The following HIKESHI variants were observed in gnomAD, a reference collection of about 807,000 sequenced individuals.
HIKESHI encodes heat shock protein nuclear import factor hikeshi, also known as protein Hikeshi.
Under a neutral mutation model 25.7 loss-of-function variants are expected in HIKESHI, and 13 were observed. The observed-to-expected ratio is 0.51, with a 90% CI of 0.33 to 0.80. The LOEUF is 0.80. Ranked by LOEUF, HIKESHI falls within the 30% of genes least tolerant of loss-of-function variation. The pLI is 0.02. For synonymous variants in HIKESHI, 76 were observed against 78.7 expected (o/e 0.97, Z 0.18); for missense variants, 174 against 229.5 (o/e 0.76, Z 1.56).
At chr11:86,325,425 C>T (rs947041009) in intron 2 of HIKESHI, among the ~76,000 whole-genome samples, 4 of 152,072 alleles carry the variant, frequency 2.6e-5, no homozygotes, top group African/African-American at 9.7e-5. Flanking sequence ...GTGATAAATA[C>T]ATTTTACCCC....
chr11:86,339,642 A>G (rs1444762490), intron 3 of HIKESHI, among the ~76,000 whole-genome samples: 2 of 152,198 alleles, frequency 1.3e-5, no homozygotes, highest in Non-Finnish European at 1.5e-5. Context: ...TATCCACAAA[A>G]TATGTATAGT....
intron 2 of HIKESHI, among the ~76,000 whole-genome samples, chr11:86,325,507 T>A (rs1342977446): frequency 6.6e-6 from 1 of 152,144 alleles, no homozygotes; most frequent in Non-Finnish European, 1.5e-5. Flanking sequence ...AAAATAAATG[T>A]TTTGATACTA....
chr11:86,307,374 T>C lies in HIKESHI; in HGVS notation c.268+892T>C, dbSNP rs916759405. Among the ~76,000 whole-genome samples, 29 of 80,632 alleles carry C rather than the reference T, an allele frequency of 3.6e-4. 3 individuals are homozygous for C. The highest frequency in any genetic ancestry group is 5.7e-4 in the East Asian group (1 of 1,768). The allele number at this position is 80,632 out of a possible 152,430, so 52.9% of individuals were successfully genotyped here. A position where few individuals can be genotyped will look rare whatever the true frequency, so the allele number is the denominator to read the frequency against. ...AATATATATTATGTGTAATATACAT[T>C]ATATATCAATATATTATGTGTAATA... is the stretch of plus-strand genomic sequence containing the variant. On this transcript the variant is annotated intron_variant, in intron 2 of 4. Coordinates refer to ENST00000278483, the MANE Select transcript of HIKESHI (RefSeq NM_016401.4).
At position 86,334,236 on chromosome 11, in the gene HIKESHI, ATGTGTGTGTG is replaced by A. The variant is rs60951435; in HGVS notation, c.269-3115_269-3106del. Among the ~76,000 whole-genome samples the A allele has an allele frequency of 3.6e-4, 53 of 147,116 alleles. 2 individuals carry two copies. Among genetic ancestry groups the A allele is most frequent in the South Asian group, 2.8e-3 (13 of 4,610 alleles). ...TTCTTCTCAACATTCTTTGTAAAAT[ATGTGTGTGTG>A]TGTGTGTGTGTGTGTGTGTGTGTGT... On this transcript the variant is annotated intron_variant, in intron 2 of 4. Transcript: ENST00000278483.
At chr11:86,305,853 G>T (rs1166467478) in intron 1 of HIKESHI, among the ~76,000 whole-genome samples, 1 of 151,750 alleles carries the variant, frequency 6.6e-6, no homozygotes, top group Non-Finnish European at 1.5e-5. Context: ...CGATTCTCCT[G>T]CCTCAGCCTC....
At chr11:86,319,246 T>A (rs1439773120) in intron 2 of HIKESHI, among the ~76,000 whole-genome samples, 24 of 134,136 alleles carry the variant, frequency 1.8e-4, no homozygotes, top group African/African-American at 5.0e-4. Context: ...ATATATATTT[T>A]TTTTTTTTTT....
intron 2 of HIKESHI, among the ~76,000 whole-genome samples, chr11:86,313,776 C>G (rs753974032): frequency 9.2e-5 from 14 of 152,092 alleles, no homozygotes; most frequent in Non-Finnish European, 1.8e-4. Flanking sequence ...GAAAAGGTAG[C>G]AATTAACTCG....
At chr11:86,313,089 CT>C (rs1946877229) in intron 2 of HIKESHI, among the ~76,000 whole-genome samples, 1 of 152,022 alleles carries the variant, frequency 6.6e-6, no homozygotes, top group Admixed American at 6.6e-5. Context: ...AGCCGTAATT[CT>C]TTGCTTTGAT....
chr11:86,328,269 T>A (rs979986868), intron 2 of HIKESHI, among the ~76,000 whole-genome samples: 14 of 152,056 alleles, frequency 9.2e-5, no homozygotes, highest in African/African-American at 3.4e-4. Context: ...TCTTTTCTTT[T>A]TTTTTTTGAG....
chr11:86,330,912 A>G (rs1947405150), intron 2 of HIKESHI, among the ~76,000 whole-genome samples: 1 of 152,200 alleles, frequency 6.6e-6, no homozygotes, highest in African/African-American at 2.4e-5. Flanking sequence ...AACAACATAA[A>G]CATCTGTTAA....
At chr11:86,331,225 C>T (rs1309571530) in intron 2 of HIKESHI, among the ~76,000 whole-genome samples, 1 of 152,136 alleles carries the variant, frequency 6.6e-6, no homozygotes, top group Non-Finnish European at 1.5e-5. Context: ...TGCAGTGGCT[C>T]ACGCTTGTAA....
intron 2 of HIKESHI, among the ~76,000 whole-genome samples, chr11:86,317,698 G>A (rs899303267): frequency 9.9e-5 from 15 of 151,636 alleles, no homozygotes; most frequent in Admixed American, 3.3e-4. Flanking sequence ...CCCAGCACTC[G>A]AGAGACTGAG....
At chr11:86,342,825 T>G (rs1451455499) in intron 3 of HIKESHI, among the ~76,000 whole-genome samples, 3 of 152,126 alleles carry the variant, frequency 2.0e-5, no homozygotes, top group African/African-American at 7.2e-5. Context: ...GCCTGTCTCT[T>G]TGCCAGTGGG....
intron 2 of HIKESHI, among the ~76,000 whole-genome samples, chr11:86,312,773 C>T (rs543756681): frequency 1.5e-4 from 23 of 152,240 alleles, no homozygotes; most frequent in African/African-American, 4.6e-4. Flanking sequence ...AATCTCTCAG[C>T]ATTTGTTTGT....
Position 86,302,407 on chromosome 11 carries a change from C to T in HIKESHI, c.-42C>T. On this transcript the variant is annotated 5_prime_UTR_variant, in exon 1 of 5. Coordinates refer to ENST00000278483, the MANE Select transcript of HIKESHI (RefSeq NM_016401.4). Reference sequence around the variant, plus strand: ...GCAGTAGCCCCAGGACTCCTAGTCGCCGGCTTCAGGTCACTGCCGGCTGAA... The same window carrying T: ...GCAGTAGCCCCAGGACTCCTAGTCGTCGGCTTCAGGTCACTGCCGGCTGAA... 2.6e-6 allele frequency: 4 copies of T among 1,551,172 alleles called. No individual in the cohort carries two copies. The highest frequency in any genetic ancestry group is 3.5e-6 in the Non-Finnish European group (4 of 1,146,912).
At chr11:86,316,165 G>C (rs1193086415) in intron 2 of HIKESHI, among the ~76,000 whole-genome samples, 1 of 145,468 alleles carries the variant, frequency 6.9e-6, no homozygotes. Flanking sequence ...ATTAGACTAA[G>C]TGGAGGAAAG....
chr11:86,339,067 A>G (rs1048339067), intron 3 of HIKESHI, among the ~76,000 whole-genome samples: 6 of 152,076 alleles, frequency 3.9e-5, no homozygotes, highest in Admixed American at 1.3e-4. Context: ...TCTCTTTGAG[A>G]CGGAGTCTCA....
At chr11:86,338,967 A>C (rs1947644715) in intron 3 of HIKESHI, among the ~76,000 whole-genome samples, 1 of 152,260 alleles carries the variant, frequency 6.6e-6, no homozygotes, top group South Asian at 2.1e-4. Flanking sequence ...AAATATTTTA[A>C]ATACAGAGAA....
chr11:86,337,661 T>C, intron 3 of HIKESHI, 131 bp downstream of exon 3: 1 of 1,116,456 alleles, frequency 9.0e-7, no homozygotes, highest in Non-Finnish European at 1.2e-6. Context: ...TTGTTTTGTT[T>C]TATTTTGTTT....
Sources: gnomAD v4.1 joint callset for allele counts (sites outside exome capture counted in the v4.1 genomes callset) on GRCh38, gnomAD v4.1.1 for gene constraint, MANE v1.5 for transcripts, NCBI Gene and HGNC (gene_info 2026-07-23, HGNC 2026-07-21) for gene names.